ASIC2: variants seen among roughly 807,000 people sequenced by gnomAD.
ASIC2 encodes the protein acid-sensing ion channel 2.
ASIC2 carries 25 observed loss-of-function variants against 57.3 expected under a neutral mutation model. That is an observed-to-expected ratio of 0.44 (90% confidence interval 0.32 to 0.61). The LOEUF is 0.61. ASIC2 is among the 20% of genes least tolerant of loss of function. The pLI, the probability that ASIC2 is intolerant of heterozygous loss-of-function variation, is 0.06. For synonymous variants in ASIC2, 319 were observed against 307.5 expected, an observed-to-expected ratio of 1.04 and a Z score of -0.39; for missense variants, 641 against 738.1, an observed-to-expected ratio of 0.87 and a Z score of 1.52.
At chr17:33,052,116 A>G (rs2091979150) in intron 3 of ASIC2, 1 of 152,220 alleles carries the variant, frequency 6.6e-6, no homozygotes, top group Admixed American at 6.5e-5. Flanking sequence ...ACCCATGGAA[A>G]AGATTTCATT....
chr17:33,940,958 G>C (rs561234566), intron 1 of ASIC2, among the ~76,000 whole-genome samples: 1 of 152,222 alleles, frequency 6.6e-6, no homozygotes, highest in East Asian at 1.9e-4. Context: ...CAGCCTCCAG[G>C]GCCAGGCTGA....
At chr17:33,753,107 T>C (rs1332130311) in intron 1 of ASIC2, among the ~76,000 whole-genome samples, 1 of 152,198 alleles carries the variant, frequency 6.6e-6, no homozygotes, top group Admixed American at 6.5e-5. Flanking sequence ...ATCCAGACAA[T>C]GGAATATTAT....
At chr17:33,643,153 C>CG (rs1906635013) in intron 1 of ASIC2, among the ~76,000 whole-genome samples, 2 of 150,622 alleles carry the variant, frequency 1.3e-5, no homozygotes, top group Non-Finnish European at 3.0e-5. Flanking sequence ...CATTTCCCCC[C>CG]CCCCACATTT....
At position 33,252,687 on chromosome 17, in the gene ASIC2, T is replaced by C. The variant is rs77756392; in HGVS notation, c.708+38721A>G. On this transcript the variant is annotated intron_variant, in intron 1 of 9. Coordinates refer to ENST00000225823, the MANE Select transcript of ASIC2 (RefSeq NM_183377.2). Reference sequence around the variant, plus strand: ...GAACTACCTGATCTCGTGTGTCCCTTGCACTTGACTCTATTTCTTGGCAAT... The same window carrying C: ...GAACTACCTGATCTCGTGTGTCCCTCGCACTTGACTCTATTTCTTGGCAAT... Among the ~76,000 whole-genome samples, 1,195 of 152,154 alleles carry C rather than the reference T, an allele frequency of 7.9e-3. 7 individuals carry two copies. The highest frequency in any genetic ancestry group is 0.024 in the Middle Eastern group (7 of 294).
intron 1 of ASIC2, among the ~76,000 whole-genome samples, chr17:33,227,889 G>A (rs1265857539): frequency 6.6e-6 from 1 of 152,182 alleles, no homozygotes; most frequent in Non-Finnish European, 1.5e-5. Flanking sequence ...CTCTAGGAAA[G>A]GTGCATATGT....
Position 33,764,493 on chromosome 17 carries a change from GA to G in ASIC2, c.555+391484del, listed in dbSNP as rs554617369. On this transcript the variant is annotated intron_variant, in intron 1 of 9. Transcript: ENST00000359872. ...TGTTTCTTACAGCTGTGGAGGCTGG[GA>G]GGTTTAAGGTCAAGGGAGTACATCT... is the stretch of plus-strand genomic sequence containing the variant. Among the ~76,000 whole-genome samples the G allele has an allele frequency of 9.2e-3, 1,404 of 152,270 alleles. 4 individuals carry two copies. Among genetic ancestry groups the G allele is most frequent in the South Asian group, 0.015 (71 of 4,812 alleles).
At chr17:34,116,083 G>C (rs1191942129) in intron 1 of ASIC2, among the ~76,000 whole-genome samples, 2 of 152,176 alleles carry the variant, frequency 1.3e-5, no homozygotes, top group Non-Finnish European at 2.9e-5. Context: ...TGAGAGTATA[G>C]ACAACTCTTG....
intron 1 of ASIC2, among the ~76,000 whole-genome samples, chr17:33,260,666 C>G (rs555469291): frequency 6.6e-6 from 1 of 152,166 alleles, no homozygotes; most frequent in Non-Finnish European, 1.5e-5. Context: ...ATGCCATGCC[C>G]GGCTGAACCC....
At chr17:33,860,972 A>G (rs1360490524) in intron 1 of ASIC2, among the ~76,000 whole-genome samples, 1 of 152,208 alleles carries the variant, frequency 6.6e-6, no homozygotes, top group Admixed American at 6.5e-5. Flanking sequence ...TGTGTACTAA[A>G]GTGGGAGTAA....
At chr17:33,195,164 C>T (rs1216772286) in intron 1 of ASIC2, among the ~76,000 whole-genome samples, 2 of 152,078 alleles carry the variant, frequency 1.3e-5, no homozygotes, top group Admixed American at 6.6e-5. Context: ...GAGATGTCAG[C>T]CCCAACCCCA....
intron 3 of ASIC2, among the ~76,000 whole-genome samples, chr17:33,059,484 T>G (rs1032102332): frequency 1.2e-4 from 19 of 152,220 alleles, no homozygotes; most frequent in Non-Finnish European, 2.4e-4. Context: ...ACAAAAGACA[T>G]GAACTCATCC....
chr17:33,421,492 G>C (rs1597722719), intron 1 of ASIC2, among the ~76,000 whole-genome samples: 1 of 152,342 alleles, frequency 6.6e-6, no homozygotes, highest in Non-Finnish European at 1.5e-5. Context: ...CAGCGTGACA[G>C]TCTTTGTGGC....
At chr17:33,152,839 A>AT (rs1042837922) in intron 1 of ASIC2, among the ~76,000 whole-genome samples, 1 of 152,172 alleles carries the variant, frequency 6.6e-6, no homozygotes, top group African/African-American at 2.4e-5. Flanking sequence ...CAAGGTATTT[A>AT]TTTTTTTAAC....
intron 1 of ASIC2, among the ~76,000 whole-genome samples, chr17:33,721,336 A>G (rs1402351272): frequency 6.6e-6 from 1 of 152,186 alleles, no homozygotes. Flanking sequence ...CCAAGCATGC[A>G]CCATTTGAAG....
intron 1 of ASIC2, among the ~76,000 whole-genome samples, chr17:33,846,747 C>T (rs1005993626): frequency 6.1e-5 from 9 of 148,564 alleles, no homozygotes; most frequent in African/African-American, 1.2e-4. Flanking sequence ...TTTTTTGAGA[C>T]GGAGTCTTGC....
At chr17:33,851,445 G>A (rs951675744) in intron 1 of ASIC2, among the ~76,000 whole-genome samples, 10 of 152,148 alleles carry the variant, frequency 6.6e-5, no homozygotes, top group Admixed American at 5.2e-4. Context: ...GTTCCAGAGT[G>A]AAAAGAAAGG....
intron 1 of ASIC2, among the ~76,000 whole-genome samples, chr17:34,079,839 G>T (rs1909809694): frequency 6.6e-6 from 1 of 152,198 alleles, no homozygotes; most frequent in East Asian, 1.9e-4. Flanking sequence ...AGGTGAAAGG[G>T]CATCAACGAT....
intron 1 of ASIC2, among the ~76,000 whole-genome samples, chr17:33,378,357 A>G (rs1909354459): frequency 1.3e-5 from 2 of 152,332 alleles, no homozygotes; most frequent in South Asian, 4.1e-4. Context: ...TCCTAGACAG[A>G]GAACATCTGG....
intron 1 of ASIC2, among the ~76,000 whole-genome samples, chr17:33,917,916 G>A: frequency 7.8e-6 from 1 of 128,714 alleles, no homozygotes; most frequent in South Asian, 2.6e-4. Context: ...ACACACACAG[G>A]TACTGAATAA....
Sources: gnomAD v4.1 joint callset for allele counts (sites outside exome capture counted in the v4.1 genomes callset) on GRCh38, gnomAD v4.1.1 for gene constraint, MANE v1.5 for transcripts, NCBI Gene and HGNC (gene_info 2026-07-23, HGNC 2026-07-21) for gene names.